Variants in HDAC5 observed in about 807,000 individuals in gnomAD.
HDAC5 encodes the protein histone deacetylase 5, also known as antigen NY-CO-9.
A neutral mutation model predicts 133.3 loss-of-function variants in HDAC5; 25 were observed. That is an observed-to-expected ratio of 0.19 (90% CI 0.14 to 0.26). The LOEUF is 0.26. HDAC5 is among the 10% of genes least tolerant of loss of function. The pLI is 1.00. For missense variants in HDAC5, 1,041 were observed against 1,460.5 expected (o/e 0.71, Z 4.68); for synonymous variants, 589 against 610.8 (o/e 0.96, Z 0.53).
chr17:44,094,979 A>G (rs1037037933), intron 3 of HDAC5, among the ~76,000 whole-genome samples: 1 of 151,966 alleles, frequency 6.6e-6, no homozygotes, highest in African/African-American at 2.4e-5. Flanking sequence ...ATTTTTTAGT[A>G]GAGACAGGGT....
chr17:44,096,031 C>G (rs1407484580), intron 3 of HDAC5, among the ~76,000 whole-genome samples: 1 of 152,094 alleles, frequency 6.6e-6, no homozygotes, highest in African/African-American at 2.4e-5. Flanking sequence ...TACCTACACA[C>G]AGTTCTCAGG....
At chr17:44,084,721 C>T (rs2050566198) in intron 15 of HDAC5, 46 bp from the exon 16 acceptor site, 3 of 1,605,100 alleles carry the variant, frequency 1.9e-6, no homozygotes, top group East Asian at 2.2e-5. Flanking sequence ...GCACAGCTCT[C>T]TCAGAGCCTC....
intron 3 of HDAC5, among the ~76,000 whole-genome samples, chr17:44,104,877 C>T (rs978866238): frequency 1.2e-4 from 18 of 152,146 alleles, no homozygotes; most frequent in African/African-American, 4.1e-4. Flanking sequence ...AGGCCCTAAG[C>T]CCCTCTTCCC....
intron 11 of HDAC5, among the ~76,000 whole-genome samples, chr17:44,090,682 T>G (rs1288278799): frequency 6.6e-6 from 1 of 151,896 alleles, no homozygotes; most frequent in Non-Finnish European, 1.5e-5. Flanking sequence ...CTCCACTTGC[T>G]TCTTTTAATT....
At chr17:44,087,200 G>A (rs566407811) in intron 13 of HDAC5, among the ~76,000 whole-genome samples, 7 of 151,176 alleles carry the variant, frequency 4.6e-5, no homozygotes, top group African/African-American at 1.7e-4. Flanking sequence ...GGAACTGGCA[G>A]CCTAGGACAG....
chr17:44,094,754 G>GTGTA (rs944388856), intron 3 of HDAC5, among the ~76,000 whole-genome samples: 5 of 137,122 alleles, frequency 3.6e-5, no homozygotes, highest in African/African-American at 1.3e-4. Context: ...GTATGTGTGT[G>GTGTA]TATATATATA....
rs2050202563 is a variant in HDAC5 at position 44,078,232 on chromosome 17, G to A, written c.*144C>T. 1 of 797,820 alleles carries A rather than the reference G, an allele frequency of 1.3e-6. No individual in the cohort carries two copies. Among genetic ancestry groups the A allele is most frequent in the East Asian group, 2.9e-5 (1 of 34,482 alleles). The allele number at this position is 797,820 out of a possible 1,614,324, so 49.4% of individuals were successfully genotyped here. A position where few individuals can be genotyped will look rare whatever the true frequency, so the allele number is the denominator to read the frequency against. On this transcript the variant is annotated 3_prime_UTR_variant, in exon 27 of 27. Transcript: ENST00000682912. ...CTGAGGTGGAAGCCACAGGGCTGGG[G>A]GCCTGAGGCAGCGTAGAGGAGCAGG...
chr17:44,111,727 G>A, intron 2 of HDAC5: 1 of 505,330 alleles, frequency 2.0e-6, no homozygotes. Flanking sequence ...TCAACCAGCA[G>A]AGAGACCCCT....
Position 44,078,081 on chromosome 17 carries a change from C to G in HDAC5, c.*295G>C, listed in dbSNP as rs2050196432. Reference sequence around the variant, plus strand: ...AGTACTGTCTGGGCCCCCGTGCCCACCTTGAGCTGGCCCAGGCTCCAAGGA... The same window carrying G: ...AGTACTGTCTGGGCCCCCGTGCCCAGCTTGAGCTGGCCCAGGCTCCAAGGA... On this transcript the variant is annotated 3_prime_UTR_variant, in exon 27 of 27. Transcript: ENST00000682912. The G allele has an allele frequency of 3.1e-6, 1 of 325,114 alleles. No individual in the cohort carries two copies. The highest frequency in any genetic ancestry group is 8.1e-4 in the Middle Eastern group (1 of 1,238). The allele number at this position is 325,114 out of a possible 1,614,324, so 20.1% of individuals were successfully genotyped here.
At chr17:44,082,286 G>A (rs2050431496) in intron 20 of HDAC5, 1 of 427,466 alleles carries the variant, frequency 2.3e-6, no homozygotes, top group Non-Finnish European at 4.2e-6. Context: ...TAGCAATGGC[G>A]GCAGCGTCAC....
intron 1 of HDAC5, among the ~76,000 whole-genome samples, chr17:44,122,835 T>C (rs1354865081): frequency 2.0e-5 from 3 of 150,406 alleles, no homozygotes; most frequent in Admixed American, 6.6e-5. Context: ...CAAGAAGGGG[T>C]TGGGGGGGAG....
chr17:44,102,752 C>T (rs2051697699), intron 3 of HDAC5, among the ~76,000 whole-genome samples: 1 of 150,912 alleles, frequency 6.6e-6, no homozygotes, highest in South Asian at 2.1e-4. Context: ...CTGCAACCTC[C>T]GCCTCCTGGG....
chr17:44,096,462 T>C (rs557174981), intron 3 of HDAC5, among the ~76,000 whole-genome samples: 1 of 151,594 alleles, frequency 6.6e-6, no homozygotes, highest in African/African-American at 2.4e-5. Context: ...AAAACAAGTT[T>C]TGGTTTTTTT....
chr17:44,112,207 G>A (rs1258450248), intron 2 of HDAC5, among the ~76,000 whole-genome samples: 1 of 152,150 alleles, frequency 6.6e-6, no homozygotes, highest in South Asian at 2.1e-4. Context: ...GAGACTTGAG[G>A]TTGGAACCTC....
At position 44,091,848 on chromosome 17, in the gene HDAC5, A is replaced by G. The variant is rs766611543; in HGVS notation, c.1033-17T>C. On this transcript the variant is annotated splice_polypyrimidine_tract_variant and intron_variant, in intron 9 of 26. Transcript: ENST00000682912. ...AGGGAGCATCTGGGGAGCAGTCAGA[A>G]GAGACAGGCATGAGAGTGCACAAAG... 13 of 1,537,878 alleles carry G rather than the reference A, an allele frequency of 8.5e-6. No homozygotes were observed. The highest frequency in any genetic ancestry group is 9.6e-6 in the Non-Finnish European group (11 of 1,144,272).
chr17:44,086,856 C>T, intron 13 of HDAC5, 119 bp from the exon 14 acceptor site: 1 of 673,998 alleles, frequency 1.5e-6, no homozygotes, highest in Non-Finnish European at 2.1e-6. Flanking sequence ...AGTCTCCTTC[C>T]CCCACCTCCT....
Position 44,084,587 on chromosome 17 carries a change from T to C in HDAC5, c.2273A>G (p.Asn758Ser). The C allele has an allele frequency of 1.2e-6, 2 of 1,613,068 alleles. No individual in the cohort carries two copies. The highest frequency in any genetic ancestry group is 1.7e-6 in the Non-Finnish European group (2 of 1,179,492). ...HTLLYGTSPL[N>S]RQKLDSKKLL... The stretch of plus-strand genomic sequence containing the variant: ...CTTCTTGCTGTCTAGCTTCTGCCGG[T>C]TGAGGGGACTGGTCCCATAGAGCAG... The change falls in exon 16 of 27, where the codon AAC becomes AGC. Residue 758 changes from asparagine to serine, a missense_variant. Coordinates refer to ENST00000682912, the MANE Select transcript of HDAC5 (RefSeq NM_005474.5).
chr17:44,094,794 A>G (rs1489924322), intron 3 of HDAC5, among the ~76,000 whole-genome samples: 1 of 151,100 alleles, frequency 6.6e-6, no homozygotes, highest in Admixed American at 6.6e-5. Context: ...ATGTGTGTGT[A>G]TTTATCTCTC....
intron 3 of HDAC5, among the ~76,000 whole-genome samples, chr17:44,102,951 G>A (rs1314873783): frequency 6.6e-6 from 1 of 152,112 alleles, no homozygotes; most frequent in Non-Finnish European, 1.5e-5. Flanking sequence ...ACAGGCTTGA[G>A]CTACCGCCCC....
Sources: gnomAD v4.1 joint callset for allele counts (sites outside exome capture counted in the v4.1 genomes callset) on GRCh38, gnomAD v4.1.1 for gene constraint, MANE v1.5 for transcripts, NCBI Gene and HGNC (gene_info 2026-07-23, HGNC 2026-07-21) for gene names.